Variants in NCK1 observed in about 807,000 individuals in gnomAD.
NCK1 encodes the protein NCK adaptor protein 1, also known as SH2/SH3 adapter protein NCK1.
NCK1 carries 19 observed loss-of-function variants against 36.6 expected under a neutral mutation model. The observed-to-expected ratio is 0.52, with a 90% CI of 0.36 to 0.76. The LOEUF is 0.76. Ranked by LOEUF, NCK1 falls within the 30% of genes least tolerant of loss-of-function variation. The probability of loss-of-function intolerance (pLI) is 0.00; values close to 1 mark genes in which losing one functional copy is unlikely to be tolerated. For synonymous variants in NCK1, 165 were observed against 156.0 expected, an observed-to-expected ratio of 1.06 and a Z score of -0.43; for missense variants, 358 against 445.6, an observed-to-expected ratio of 0.80 and a Z score of 1.77.
intron 1 of NCK1, among the ~76,000 whole-genome samples, chr3:136,865,269 G>A (rs942533530): frequency 6.6e-6 from 1 of 152,082 alleles, no homozygotes; most frequent in East Asian, 1.9e-4. Flanking sequence ...ATTTTTAGTA[G>A]AGACGGAGTT....
chr3:136,916,080 G>C (rs1181305248), intron 1 of NCK1, among the ~76,000 whole-genome samples: 1 of 152,092 alleles, frequency 6.6e-6, no homozygotes, highest in African/African-American at 2.4e-5. Context: ...TGGAACAACA[G>C]CTATCACAGA....
intron 1 of NCK1, among the ~76,000 whole-genome samples, chr3:136,906,040 G>A (rs991007691): frequency 6.6e-6 from 1 of 152,154 alleles, no homozygotes; most frequent in Non-Finnish European, 1.5e-5. Flanking sequence ...TGCCTCTGGT[G>A]TAACAGTTGC....
intron 1 of NCK1, among the ~76,000 whole-genome samples, chr3:136,878,915 C>G (rs1345334761): frequency 6.6e-6 from 1 of 152,110 alleles, no homozygotes; most frequent in Admixed American, 6.6e-5. Context: ...GAGGCCTCTT[C>G]TCTTTGGCTT....
chr3:136,927,905 T>C, intron 1 of NCK1, 79 bp from the exon 2 acceptor site: 1 of 1,005,682 alleles, frequency 9.9e-7, no homozygotes, highest in Non-Finnish European at 1.5e-6. Flanking sequence ...CTTTAGATTT[T>C]TAGGTGTGTC....
At chr3:136,944,842 G>C (rs530990737) in intron 2 of NCK1, among the ~76,000 whole-genome samples, 2 of 152,124 alleles carry the variant, frequency 1.3e-5, no homozygotes, top group Non-Finnish European at 2.9e-5. Flanking sequence ...TTGATGTAGC[G>C]TACATTTGTA....
intron 2 of NCK1, among the ~76,000 whole-genome samples, chr3:136,941,116 CTTTTTTTT>C (rs34776608): frequency 2.0e-5 from 2 of 100,098 alleles, no homozygotes; most frequent in African/African-American, 3.9e-5. Context: ...ATTTCTTTTT[CTTTTTTTT>C]TTTTTTTTTT....
chr3:136,875,439 C>A (rs1352853989), intron 1 of NCK1, among the ~76,000 whole-genome samples: 2 of 152,108 alleles, frequency 1.3e-5, no homozygotes, highest in Non-Finnish European at 2.9e-5. Flanking sequence ...TGAGAGAGGG[C>A]ATCCCTGTCT....
intron 1 of NCK1, among the ~76,000 whole-genome samples, chr3:136,925,648 C>G (rs1047841635): frequency 1.3e-5 from 2 of 152,042 alleles, no homozygotes; most frequent in African/African-American, 4.8e-5. Context: ...TTTCACTGAG[C>G]AGTTATAATT....
At chr3:136,924,611 G>A (rs1206440793) in intron 1 of NCK1, among the ~76,000 whole-genome samples, 10 of 152,190 alleles carry the variant, frequency 6.6e-5, no homozygotes, top group Admixed American at 2.0e-4. Flanking sequence ...TTCAAAATGA[G>A]CTTTTGAAAA....
intron 1 of NCK1, among the ~76,000 whole-genome samples, chr3:136,923,229 A>T (rs569232484): frequency 3.0e-4 from 45 of 151,336 alleles, no homozygotes; most frequent in East Asian, 7.7e-4. Context: ...TAAATTATTT[A>T]AAAAAAAATA....
At chr3:136,899,289 T>C (rs887916878) in intron 1 of NCK1, 2 of 244,312 alleles carry the variant, frequency 8.2e-6, no homozygotes, top group Non-Finnish European at 1.7e-5. Flanking sequence ...AAGATAAATC[T>C]CTTTTGGCGA....
Position 136,900,448 on chromosome 3 carries a change from T to G in NCK1, c.-18-27536T>G, listed in dbSNP as rs922390799. Among the ~76,000 whole-genome samples the G allele has an allele frequency of 1.7e-4, 26 of 152,198 alleles. 1 individual carries two copies. The highest frequency in any genetic ancestry group is 6.3e-4 in the African/African-American group (26 of 41,444). On this transcript the variant is annotated intron_variant, in intron 1 of 3. Transcript: ENST00000481752. ...TCATATGAATTTTAAGATTGCTTCTTCTATTTCTGTGAAAAAAGACATTGG... is the reference window on the plus strand; with the variant it reads ...TCATATGAATTTTAAGATTGCTTCTGCTATTTCTGTGAAAAAAGACATTGG...
At chr3:136,871,330 C>T (rs1176803200) in intron 1 of NCK1, among the ~76,000 whole-genome samples, 3 of 151,808 alleles carry the variant, frequency 2.0e-5, no homozygotes, top group Non-Finnish European at 2.9e-5. Context: ...TCCAAGAGGT[C>T]GAGGCTGCAG....
chr3:136,903,868 T>C (rs561765305), intron 1 of NCK1, among the ~76,000 whole-genome samples: 1 of 152,356 alleles, frequency 6.6e-6, no homozygotes, highest in Admixed American at 6.5e-5. Context: ...TCTTATTAAT[T>C]ATTATTTTGG....
intron 1 of NCK1, among the ~76,000 whole-genome samples, chr3:136,894,689 C>T (rs1466962570): frequency 6.6e-6 from 1 of 152,132 alleles, no homozygotes; most frequent in Non-Finnish European, 1.5e-5. Context: ...CTCATTTCTA[C>T]AGTAAGTGTA....
At chr3:136,920,610 C>T (rs914957878) in intron 1 of NCK1, among the ~76,000 whole-genome samples, 3 of 152,136 alleles carry the variant, frequency 2.0e-5, no homozygotes. Context: ...CTTATTACCC[C>T]TCTGAACTAT....
rs561039640 is a variant in NCK1, at chr3:136,901,680, G to C, written c.-18-26304G>C. Among the ~76,000 whole-genome samples, 9 of 152,196 alleles carry C rather than the reference G, an allele frequency of 5.9e-5. No homozygotes were observed. The East Asian group carries it at 1.7e-3, about 29-fold the overall frequency. On this transcript the variant is annotated intron_variant, in intron 1 of 3. Transcript: ENST00000481752. ...CCAGTATGTTAGTGTATCGTTGTTT[G>C]TAATAGTTTTTAATGTTCTTTTGTA... is the stretch of plus-strand genomic sequence containing the variant.
chr3:136,934,557 A>G (rs1354303759), intron 2 of NCK1, among the ~76,000 whole-genome samples: 1 of 152,164 alleles, frequency 6.6e-6, no homozygotes, highest in Non-Finnish European at 1.5e-5. Flanking sequence ...AAGTGCTGGG[A>G]TTACAGGTGT....
intron 2 of NCK1, among the ~76,000 whole-genome samples, chr3:136,942,512 C>T (rs1940705267): frequency 6.6e-6 from 1 of 152,218 alleles, no homozygotes; most frequent in Admixed American, 6.5e-5. Flanking sequence ...AAGAAAACCT[C>T]TCCCCATCTT....
Sources: allele counts gnomAD v4.1 joint callset (sites outside exome capture counted in the v4.1 genomes callset), GRCh38; gene constraint gnomAD v4.1.1; transcripts MANE v1.5; gene names NCBI Gene and HGNC (gene_info 2026-07-23, HGNC 2026-07-21).